DIAPH3: variants seen among roughly 807,000 people sequenced by gnomAD.
DIAPH3 encodes the protein diaphanous related formin 3, also known as protein diaphanous homolog 3.
In DIAPH3, 117 loss-of-function variants were observed where a neutral mutation model predicts 144.3. The observed-to-expected ratio is 0.81, with a 90% CI of 0.70 to 0.95. The LOEUF (loss-of-function observed/expected upper bound fraction) is 0.95. Ranked by LOEUF, DIAPH3 falls within the 40% of genes least tolerant of loss-of-function variation. The probability of loss-of-function intolerance (pLI) is 0.00; values close to 1 mark genes in which losing one functional copy is unlikely to be tolerated. For missense variants in DIAPH3, 1,421 were observed against 1,412.7 expected (o/e 1.01, Z -0.09); for synonymous variants, 519 against 488.9 (o/e 1.06, Z -0.81).
chr13:60,120,707 G>A (rs2058823621), intron 2 of DIAPH3, among the ~76,000 whole-genome samples: 1 of 152,140 alleles, frequency 6.6e-6, no homozygotes, highest in Admixed American at 6.5e-5. Flanking sequence ...GGAGATGCCT[G>A]CACAGGGAAG....
chr13:59,959,507 G>A (rs549907943), intron 17 of DIAPH3, among the ~76,000 whole-genome samples: 8 of 152,248 alleles, frequency 5.3e-5, no homozygotes, highest in African/African-American at 1.9e-4. Flanking sequence ...ATTTAAGCCC[G>A]TGTGAGTCTT....
rs530330216 is a variant in DIAPH3, at chr13:59,913,466, C to G, written c.2266-1630G>C. 1.2e-4 allele frequency among the ~76,000 whole-genome samples: 19 copies of G among 152,292 alleles called. No homozygotes were observed. In the East Asian group the frequency reaches 2.7e-3, roughly 22 times the overall value. On this transcript the variant is annotated intron_variant, in intron 19 of 27. Transcript: ENST00000400324. ...ACATTTTTCATGCAACTCCTCTGCT[C>G]TATTCTACATCTATACCTATTCAAC... is the stretch of plus-strand genomic sequence containing the variant.
At chr13:59,829,248 T>C (rs1051939853) in intron 24 of DIAPH3, among the ~76,000 whole-genome samples, 2 of 152,010 alleles carry the variant, frequency 1.3e-5, no homozygotes, top group Non-Finnish European at 2.9e-5. Context: ...TTTAGATCAA[T>C]TATTTACAAA....
chr13:59,839,363 AG>A lies in DIAPH3; in HGVS notation c.2822del (p.Pro941LeufsTer10). The A allele has an allele frequency of 1.2e-6, 2 of 1,613,686 alleles. No individual in the cohort carries two copies. The highest frequency in any genetic ancestry group is 1.7e-6 in the Non-Finnish European group (2 of 1,179,784). On this transcript the variant is annotated frameshift_variant, in exon 23 of 28. Transcript: ENST00000400324. LOFTEE classifies it high-confidence loss of function. ...CAAACTTGTCATGCAAGTCCTCAGGAGGGGGAAAGGTTTCCAATTCCTTCTC... is the reference window on the plus strand; with the variant it reads ...CAAACTTGTCATGCAAGTCCTCAGGAGGGGAAAGGTTTCCAATTCCTTCTC... ...QLEKELETFP[P>X]PEDLHDKFVT...
chr13:59,695,228 T>A (rs961912429), intron 27 of DIAPH3: 1 of 152,218 alleles, frequency 6.6e-6, no homozygotes. Context: ...CAGTCTAATA[T>A]TCCTGGTTGT....
chr13:59,888,506 G>A (rs772138304), intron 20 of DIAPH3, among the ~76,000 whole-genome samples: 7 of 151,800 alleles, frequency 4.6e-5, no homozygotes, highest in African/African-American at 7.3e-5. Flanking sequence ...ATTCTATTTC[G>A]TCTACTGGCT....
Position 59,722,125 on chromosome 13 carries a change from A to T in DIAPH3, c.3319+52064T>A, listed in dbSNP as rs73544318. On this transcript the variant is annotated intron_variant, in intron 27 of 27. Transcript: ENST00000400324. Reference sequence around the variant, plus strand: ...AGGTTCTGCATTCAAAGCCCTTAGGAATTCAAAGCCACAAAAAAAGCTTGC... The same window carrying T: ...AGGTTCTGCATTCAAAGCCCTTAGGTATTCAAAGCCACAAAAAAAGCTTGC... Among the ~76,000 whole-genome samples the T allele has an allele frequency of 7.9e-3, 1,201 of 152,314 alleles. 25 individuals are homozygous for T. The highest frequency in any genetic ancestry group is 0.027 in the African/African-American group (1,137 of 41,556).
intron 21 of DIAPH3, among the ~76,000 whole-genome samples, chr13:59,872,957 A>G (rs1471072143): frequency 6.6e-6 from 1 of 152,228 alleles, no homozygotes; most frequent in Non-Finnish European, 1.5e-5. Flanking sequence ...AATCATTCTC[A>G]TTTACAACAT....
intron 1 of DIAPH3, chr13:60,147,108 A>C (rs181974354): frequency 4.6e-5 from 7 of 152,350 alleles, no homozygotes; most frequent in African/African-American, 1.7e-4. Flanking sequence ...TCACAGGTGA[A>C]GCCTCCAAGG....
At chr13:60,039,673 T>C (rs1042449627) in intron 5 of DIAPH3, among the ~76,000 whole-genome samples, 2 of 152,164 alleles carry the variant, frequency 1.3e-5, no homozygotes, top group African/African-American at 2.4e-5. Context: ...TCAGTTCAAT[T>C]TTCTTTTTTG....
At chr13:60,059,792 G>A (rs1245331651) in intron 4 of DIAPH3, among the ~76,000 whole-genome samples, 3 of 151,968 alleles carry the variant, frequency 2.0e-5, no homozygotes, top group Non-Finnish European at 4.4e-5. Flanking sequence ...ACATCTGAAC[G>A]GATAGAAAAA....
chr13:60,133,137 T>C lies in DIAPH3; in HGVS notation c.181-148A>G. ...TAAAAACACATTATATATAATCGTT[T>C]TAATCTCTTTCTCAAAAAGATGGAC... On this transcript the variant is annotated intron_variant, in intron 1 of 27. Transcript: ENST00000400324. 8 of 589,956 alleles carry C rather than the reference T, an allele frequency of 1.4e-5. No individual in the cohort carries two copies. In the South Asian group the frequency reaches 2.0e-4, roughly 15 times the overall value. 36.5% of individuals were successfully genotyped at this position (589,956 alleles called of 1,614,324 possible).
chr13:59,846,637 G>T (rs1415526269), intron 22 of DIAPH3, among the ~76,000 whole-genome samples: 1 of 151,968 alleles, frequency 6.6e-6, no homozygotes, highest in African/African-American at 2.4e-5. Flanking sequence ...TGACTATTAA[G>T]TAGGTCTACA....
intron 27 of DIAPH3, among the ~76,000 whole-genome samples, chr13:59,678,824 A>G (rs1445627152): frequency 6.6e-6 from 1 of 152,242 alleles, no homozygotes; most frequent in Non-Finnish European, 1.5e-5. Context: ...AAATAAAAAT[A>G]TTAACAAGTA....
chr13:59,774,907 G>T, intron 25 of DIAPH3, 84 bp from the exon 26 acceptor site: 1 of 1,123,524 alleles, frequency 8.9e-7, no homozygotes, highest in Non-Finnish European at 1.4e-6. Context: ...TGGTGATGGT[G>T]ATGGTAGGGA....
chr13:60,002,199 G>T (rs1298047052), intron 9 of DIAPH3, among the ~76,000 whole-genome samples: 1 of 152,178 alleles, frequency 6.6e-6, no homozygotes, highest in Admixed American at 6.5e-5. Flanking sequence ...CAGCTGACTA[G>T]ATCTGGGACC....
At chr13:59,959,887 C>T (rs570570250) in intron 17 of DIAPH3, among the ~76,000 whole-genome samples, 80 of 152,294 alleles carry the variant, frequency 5.3e-4, no homozygotes, top group Admixed American at 1.6e-3. Flanking sequence ...CTTCCTGTCT[C>T]TAGCTAAGCT....
chr13:60,098,089 G>A (rs977967600), intron 3 of DIAPH3, among the ~76,000 whole-genome samples: 1 of 152,164 alleles, frequency 6.6e-6, no homozygotes, highest in Admixed American at 6.5e-5. Flanking sequence ...TGGGGGAGAA[G>A]TGAGCAAGTT....
chr13:59,802,677 T>A (rs1457665727), intron 25 of DIAPH3, among the ~76,000 whole-genome samples: 13 of 67,500 alleles, frequency 1.9e-4, no homozygotes, highest in African/African-American at 6.7e-4. Context: ...ATTTTTTTTT[T>A]TTTTTTTTTT....
Sources: gnomAD v4.1 joint callset for allele counts (sites outside exome capture counted in the v4.1 genomes callset) on GRCh38, gnomAD v4.1.1 for gene constraint, MANE v1.5 for transcripts, NCBI Gene and HGNC (gene_info 2026-07-23, HGNC 2026-07-21) for gene names.